Variants in MGAT4C observed in about 807,000 individuals in gnomAD.
MGAT4C encodes alpha-1,3-mannosyl-glycoprotein 4-beta-N-acetylglucosaminyltransferase C.
MGAT4C carries 19 observed loss-of-function variants against 40.1 expected under a neutral mutation model. The ratio of observed to expected loss-of-function variants is 0.47; its 90% CI spans 0.33 to 0.70. The LOEUF (loss-of-function observed/expected upper bound fraction) is 0.70. Ranked by LOEUF, MGAT4C falls within the 30% of genes least tolerant of loss-of-function variation. The pLI is 0.02. For missense variants in MGAT4C, 491 were observed against 563.2 expected, an observed-to-expected ratio of 0.87 and a Z score of 1.30; for synonymous variants, 181 against 187.1, an observed-to-expected ratio of 0.97 and a Z score of 0.27.
intron 2 of MGAT4C, among the ~76,000 whole-genome samples, chr12:86,044,620 C>A (rs1892209191): frequency 6.6e-6 from 1 of 151,984 alleles, no homozygotes; most frequent in Non-Finnish European, 1.5e-5. Context: ...GGGGAAGGGG[C>A]AGGTGAGCTG....
intron 1 of MGAT4C, among the ~76,000 whole-genome samples, chr12:86,095,121 T>C (rs560251460): frequency 1.3e-5 from 2 of 152,258 alleles, no homozygotes; most frequent in South Asian, 4.1e-4. Flanking sequence ...ATGATGTATG[T>C]TTAAGTTTTG....
At chr12:86,399,703 T>A (rs577562136) in intron 3 of MGAT4C, among the ~76,000 whole-genome samples, 50 of 152,220 alleles carry the variant, frequency 3.3e-4, no homozygotes, top group Admixed American at 3.0e-3. Flanking sequence ...TACTGGGAGC[T>A]TACAGGAAGG....
At chr12:85,988,731 G>C in intron 3 of MGAT4C, among the ~76,000 whole-genome samples, 1 of 151,614 alleles carries the variant, frequency 6.6e-6, no homozygotes, top group South Asian at 2.1e-4. Context: ...TTCATAATTA[G>C]TCAGAATAAG....
intron 2 of MGAT4C, among the ~76,000 whole-genome samples, chr12:86,639,082 T>C (rs1963304999): frequency 6.6e-6 from 1 of 151,776 alleles, no homozygotes. Context: ...TGGCCCTTTT[T>C]ATACTCAGTT....
chr12:86,310,563 A>G (rs572302358), intron 4 of MGAT4C, among the ~76,000 whole-genome samples: 48 of 152,282 alleles, frequency 3.2e-4, no homozygotes, highest in Non-Finnish European at 2.9e-4. Context: ...CATAGCCCTT[A>G]CTGACTCCAT....
intron 3 of MGAT4C, among the ~76,000 whole-genome samples, chr12:86,387,297 A>C (rs1158125370): frequency 1.3e-5 from 2 of 152,052 alleles, no homozygotes; most frequent in Non-Finnish European, 2.9e-5. Context: ...TTCATGTATA[A>C]TATTTGATAT....
chr12:86,261,004 C>A (rs1033107951), upstream of MGAT4C, among the ~76,000 whole-genome samples: 24 of 151,708 alleles, frequency 1.6e-4, no homozygotes, highest in Non-Finnish European at 1.5e-5. Context: ...AGGTTTTGTT[C>A]ATTAAACATC....
intron 1 of MGAT4C, among the ~76,000 whole-genome samples, chr12:86,834,185 T>C (rs1952990434): frequency 7.1e-6 from 1 of 140,798 alleles, no homozygotes; most frequent in Admixed American, 7.1e-5. Flanking sequence ...GATATAGATA[T>C]AGATATAGAT....
chr12:86,444,848 TCCC>T (rs1487800703), intron 2 of MGAT4C, among the ~76,000 whole-genome samples: 1 of 152,000 alleles, frequency 6.6e-6, no homozygotes, highest in Non-Finnish European at 1.5e-5. Context: ...CTTAAACAAC[TCCC>T]CAAGAGGAAA....
At chr12:86,832,225 C>A (rs1952943275) in intron 1 of MGAT4C, among the ~76,000 whole-genome samples, 2 of 151,738 alleles carry the variant, frequency 1.3e-5, no homozygotes, top group South Asian at 4.1e-4. Flanking sequence ...CGCCACAAAA[C>A]CATTCAAGTC....
intron 2 of MGAT4C, among the ~76,000 whole-genome samples, chr12:86,726,111 AC>A (rs1333821992): frequency 6.6e-6 from 1 of 152,218 alleles, no homozygotes; most frequent in Non-Finnish European, 1.5e-5. Context: ...TCAGATAATT[AC>A]AACAGAAACA....
intron 2 of MGAT4C, among the ~76,000 whole-genome samples, chr12:86,608,932 T>C (rs2136471378): frequency 6.6e-6 from 1 of 152,212 alleles, no homozygotes; most frequent in East Asian, 1.9e-4. Context: ...TGCATACTGT[T>C]GTATGAGTCA....
chr12:86,641,859 TA>T (rs1963400490), intron 2 of MGAT4C, among the ~76,000 whole-genome samples: 1 of 151,888 alleles, frequency 6.6e-6, no homozygotes, highest in African/African-American at 2.4e-5. Flanking sequence ...TTAAGTGAAA[TA>T]ATGTATGGAG....
chr12:86,774,319 C>CTTTCTTTCTTTCTTTCCTTTCTTTCT (rs1951702503), intron 1 of MGAT4C, among the ~76,000 whole-genome samples: 1 of 93,620 alleles, frequency 1.1e-5, no homozygotes, highest in Non-Finnish European at 2.2e-5. Flanking sequence ...TTCTTTCTTT[C>CTTTCTTTCTTTCTTTCCTTTCTTTCT]TTTCTTTCTT....
chr12:86,819,910 G>A (rs1045178122), intron 1 of MGAT4C, among the ~76,000 whole-genome samples: 5 of 150,570 alleles, frequency 3.3e-5, no homozygotes, highest in African/African-American at 1.2e-4. Context: ...AATAAGTAAA[G>A]CTGTCCATGA....
intron 2 of MGAT4C, among the ~76,000 whole-genome samples, chr12:86,598,625 T>G (rs1014768438): frequency 6.6e-6 from 1 of 152,148 alleles, no homozygotes; most frequent in African/African-American, 2.4e-5. Context: ...TATTTACACA[T>G]CTGTTTCAAC....
intron 2 of MGAT4C, among the ~76,000 whole-genome samples, chr12:86,665,599 C>T (rs957497761): frequency 6.6e-6 from 1 of 152,068 alleles, no homozygotes; most frequent in Non-Finnish European, 1.5e-5. Flanking sequence ...GGATGTTCTC[C>T]TGACCTCGTG....
rs1007879884 is a variant in MGAT4C at position 86,147,506 on chromosome 12, G to T, written c.-56-97783C>A. Among the ~76,000 whole-genome samples the T allele has an allele frequency of 4.6e-5, 7 of 152,342 alleles. No individual in the cohort carries two copies. The East Asian group carries it at 1.4e-3, about 29-fold the overall frequency. ...TCCACCCGCCTCGGCCTCCCAAAGT[G>T]CTGGGATTACAGGCGTGAGCCACCG... On this transcript the variant is annotated intron_variant, in intron 1 of 4. Transcript: ENST00000611864.
At chr12:86,671,100 G>C (rs566851014) in intron 2 of MGAT4C, among the ~76,000 whole-genome samples, 1 of 152,128 alleles carries the variant, frequency 6.6e-6, no homozygotes, top group Admixed American at 6.6e-5. Context: ...GCATTGCTAC[G>C]CATGATGTTA....
Sources: allele counts gnomAD v4.1 joint callset (sites outside exome capture counted in the v4.1 genomes callset), GRCh38; gene constraint gnomAD v4.1.1; transcripts MANE v1.5; gene names NCBI Gene and HGNC (gene_info 2026-07-23, HGNC 2026-07-21).